Variants in LCORL observed in about 807,000 individuals in gnomAD.
The protein encoded by LCORL is ligand-dependent nuclear receptor corepressor-like protein.
LCORL carries 41 observed loss-of-function variants against 141.8 expected under a neutral mutation model. The observed-to-expected ratio is 0.29, with a 90% CI of 0.23 to 0.38. The LOEUF (loss-of-function observed/expected upper bound fraction) is 0.38. LCORL is among the 10% of genes least tolerant of loss of function. The probability of loss-of-function intolerance (pLI) is 1.00; values close to 1 mark genes in which losing one functional copy is unlikely to be tolerated. For missense variants in LCORL, 1,759 were observed against 2,035.0 expected, an observed-to-expected ratio of 0.86 and a Z score of 2.61; for synonymous variants, 618 against 694.1, an observed-to-expected ratio of 0.89 and a Z score of 1.72.
chr4:17,990,255 C>G (rs1309427582), intron 1 of LCORL, among the ~76,000 whole-genome samples: 1 of 151,930 alleles, frequency 6.6e-6, no homozygotes, highest in Non-Finnish European at 1.5e-5. Context: ...CCCACCACCA[C>G]GCCCGGCTAA....
chr4:17,994,067 G>C (rs1048295810), intron 1 of LCORL, among the ~76,000 whole-genome samples: 1 of 152,042 alleles, frequency 6.6e-6, no homozygotes, highest in African/African-American at 2.4e-5. Context: ...TTGGATATGT[G>C]GGGCATAAAT....
chr4:17,990,096 GTTTTTTTTT>G (rs372033680), intron 1 of LCORL, among the ~76,000 whole-genome samples: 10 of 122,652 alleles, frequency 8.2e-5, no homozygotes, highest in Non-Finnish European at 1.2e-4. Flanking sequence ...AACTCTCTGC[GTTTTTTTTT>G]TTTTTTTTTT....
At chr4:17,866,408 C>T (rs1464359404) in intron 7 of LCORL, among the ~76,000 whole-genome samples, 1 of 152,298 alleles carries the variant, frequency 6.6e-6, no homozygotes, top group East Asian at 1.9e-4. Flanking sequence ...AGGGTAGGAA[C>T]CATATCTGGT....
intron 4 of LCORL, among the ~76,000 whole-genome samples, chr4:17,925,005 G>A (rs1054094500): frequency 1.3e-5 from 2 of 152,188 alleles, no homozygotes; most frequent in African/African-American, 2.4e-5. Flanking sequence ...ATCACCCCTA[G>A]TGATCCACTA....
exon 7 of LCORL, chr4:17,876,244 T>G (rs1436691217): frequency 1.6e-6 from 2 of 1,231,004 alleles, no homozygotes; most frequent in South Asian, 8.2e-5. Flanking sequence ...CTTTTGTTAT[T>G]CAAATCCACT....
intron 4 of LCORL, among the ~76,000 whole-genome samples, chr4:17,956,040 A>C (rs536850365): frequency 5.9e-5 from 9 of 152,274 alleles, no homozygotes; most frequent in Admixed American, 4.6e-4. Context: ...AATGGACAAC[A>C]GGCATATGAA....
intron 1 of LCORL, among the ~76,000 whole-genome samples, chr4:17,998,649 T>C (rs1239817044): frequency 6.6e-6 from 1 of 152,040 alleles, no homozygotes; most frequent in Non-Finnish European, 1.5e-5. Flanking sequence ...AGGACTTTTT[T>C]TTCTAAATTA....
chr4:17,978,075 G>A (rs1717309034), intron 1 of LCORL, among the ~76,000 whole-genome samples: 1 of 152,098 alleles, frequency 6.6e-6, no homozygotes, highest in African/African-American at 2.4e-5. Context: ...TTTAATAGCA[G>A]TTTTAGTATA....
intron 1 of LCORL, among the ~76,000 whole-genome samples, chr4:17,976,405 A>G (rs531905728): frequency 6.6e-6 from 1 of 152,222 alleles, no homozygotes; most frequent in Non-Finnish European, 1.5e-5. Context: ...GCCACCATAA[A>G]CTTAATAGCC....
rs556737213 is a variant in LCORL at position 17,870,517 on chromosome 4, T to C, written c.5602+2871A>G. On this transcript the variant is annotated intron_variant, in intron 7 of 7. Coordinates refer to ENST00000635767, the Ensembl canonical transcript of LCORL. The stretch of plus-strand genomic sequence containing the variant: ...CAATCCATCGCTCTCTCTCTGATCA[T>C]AGCAGTCATCATCCTTCTACTGGAA... 4.6e-5 allele frequency among the ~76,000 whole-genome samples: 7 copies of C among 152,276 alleles called. No homozygotes were observed. The East Asian group carries it at 1.4e-3, about 29-fold the overall frequency.
chr4:17,848,713 G>A (rs922290881), intron 7 of LCORL, among the ~76,000 whole-genome samples: 8 of 152,226 alleles, frequency 5.3e-5, no homozygotes, highest in Non-Finnish European at 7.3e-5. Context: ...TGTGCGAGCC[G>A]AAGCAGGGCG....
At chr4:18,013,711 T>TG (rs1724169058) in intron 1 of LCORL, among the ~76,000 whole-genome samples, 1 of 152,210 alleles carries the variant, frequency 6.6e-6, no homozygotes, top group Non-Finnish European at 1.5e-5. Flanking sequence ...TGTGCACACC[T>TG]TGCACATACT....
At chr4:17,875,589 C>A in exon 7 of LCORL, 2 of 1,231,160 alleles carry the variant, frequency 1.6e-6, no homozygotes, top group South Asian at 4.1e-5. Flanking sequence ...TTTATAAATA[C>A]CTTCTTTTAC....
rs534404875 is a variant in LCORL at position 17,981,690 on chromosome 4, C to A, written c.155-8805G>T. The stretch of plus-strand genomic sequence containing the variant: ...AAGGTTGAGGCTGCAGTGTGCTAAG[C>A]CATGATCACGCTCCTGCACTCTAGC... On this transcript the variant is annotated intron_variant, in intron 1 of 7. Coordinates refer to ENST00000635767, the Ensembl canonical transcript of LCORL. Among the ~76,000 whole-genome samples, 17 of 152,084 alleles carry A rather than the reference C, an allele frequency of 1.1e-4. No homozygotes were observed. In the South Asian group the frequency reaches 3.5e-3, roughly 32 times the overall value.
At chr4:17,918,946 G>GA (rs1334273667) in intron 4 of LCORL, among the ~76,000 whole-genome samples, 2 of 151,054 alleles carry the variant, frequency 1.3e-5, no homozygotes, top group African/African-American at 2.4e-5. Context: ...AAAGCAGCAA[G>GA]AAAAAAAAGT....
chr4:18,019,697 C>A (rs562255635), intron 1 of LCORL, among the ~76,000 whole-genome samples: 10 of 146,966 alleles, frequency 6.8e-5, no homozygotes, highest in South Asian at 4.4e-4. Context: ...GAAAAAAAAA[C>A]CAACCAAAAT....
intron 4 of LCORL, among the ~76,000 whole-genome samples, chr4:17,957,193 T>C (rs1712825017): frequency 6.6e-6 from 1 of 151,940 alleles, no homozygotes; most frequent in East Asian, 1.9e-4. Flanking sequence ...GCAAAAAGCC[T>C]GGTAGAGACA....
intron 4 of LCORL, among the ~76,000 whole-genome samples, chr4:17,936,997 A>G (rs573180767): frequency 3.3e-5 from 5 of 152,336 alleles, no homozygotes; most frequent in Admixed American, 1.3e-4. Flanking sequence ...TTCATAATGC[A>G]TTACATACAT....
At chr4:18,011,286 T>C (rs527829222) in intron 1 of LCORL, among the ~76,000 whole-genome samples, 16 of 152,304 alleles carry the variant, frequency 1.1e-4, no homozygotes, top group African/African-American at 3.4e-4. Context: ...AGACTGCTCA[T>C]TTTCCCAGTT....
Sources: allele counts gnomAD v4.1 joint callset (sites outside exome capture counted in the v4.1 genomes callset), GRCh38; gene constraint gnomAD v4.1.1; transcripts MANE v1.5; gene names NCBI Gene and HGNC (gene_info 2026-07-23, HGNC 2026-07-21).